Variants in PCDH9 observed in about 807,000 individuals in gnomAD.
PCDH9 encodes the protein protocadherin 9, also known as protocadherin-9.
In PCDH9, 24 loss-of-function variants were observed where a neutral mutation model predicts 70.6. That is an observed-to-expected ratio of 0.34 (90% confidence interval 0.25 to 0.48). The LOEUF (loss-of-function observed/expected upper bound fraction) is 0.48, where lower values mean the gene tolerates loss of function less well. Among genes scored for constraint, PCDH9 ranks in the 20% least tolerant of loss-of-function variants. The pLI, the probability that PCDH9 is intolerant of heterozygous loss-of-function variation, is 0.99. For missense variants in PCDH9, 1,281 were observed against 1,503.6 expected (o/e 0.85, Z 2.45); for synonymous variants, 562 against 558.5 (o/e 1.01, Z -0.09).
intron 3 of PCDH9, among the ~76,000 whole-genome samples, chr13:66,740,070 A>C (rs1410310579): frequency 5.3e-5 from 8 of 150,040 alleles, no homozygotes; most frequent in Admixed American, 5.3e-4. Context: ...CCTATTCCAA[A>C]ATTGACCACA....
intron 3 of PCDH9, among the ~76,000 whole-genome samples, chr13:66,719,641 G>C (rs938209447): frequency 3.9e-5 from 6 of 152,160 alleles, no homozygotes; most frequent in African/African-American, 1.4e-4. Flanking sequence ...GATTGGACCA[G>C]TTTGAACAAC....
At chr13:66,656,468 AG>A (rs1341317799) in intron 3 of PCDH9, among the ~76,000 whole-genome samples, 3 of 151,550 alleles carry the variant, frequency 2.0e-5, no homozygotes, top group African/African-American at 7.3e-5. Context: ...TCTTTCATAA[AG>A]GAAAAAAAAA....
intron 4 of PCDH9, among the ~76,000 whole-genome samples, chr13:66,378,564 C>T (rs925012721): frequency 9.2e-5 from 14 of 152,128 alleles, no homozygotes; most frequent in Non-Finnish European, 1.9e-4. Context: ...GCACTGAAGA[C>T]CTATGATTGT....
chr13:66,323,788 A>C (rs960596054), intron 4 of PCDH9, among the ~76,000 whole-genome samples: 5 of 151,850 alleles, frequency 3.3e-5, no homozygotes. Flanking sequence ...CTTGAAGCGC[A>C]TTCAGGATGT....
chr13:66,339,396 C>A (rs1326326319), intron 4 of PCDH9, among the ~76,000 whole-genome samples: 1 of 151,908 alleles, frequency 6.6e-6, no homozygotes, highest in South Asian at 2.1e-4. Context: ...TGTGGGTGAA[C>A]CTAAAGGAAG....
At chr13:66,687,984 C>G (rs1013726972) in intron 3 of PCDH9, among the ~76,000 whole-genome samples, 7 of 152,038 alleles carry the variant, frequency 4.6e-5, no homozygotes, top group Non-Finnish European at 8.8e-5. Context: ...GAAACTTTCC[C>G]TATGCTTTCC....
At chr13:66,937,944 A>G (rs1341334838) in intron 2 of PCDH9, among the ~76,000 whole-genome samples, 1 of 152,132 alleles carries the variant, frequency 6.6e-6, no homozygotes, top group Non-Finnish European at 1.5e-5. Flanking sequence ...AACTCCTTTA[A>G]GTTTAACTCA....
chr13:66,406,105 T>C (rs1375394859), intron 4 of PCDH9, among the ~76,000 whole-genome samples: 1 of 152,104 alleles, frequency 6.6e-6, no homozygotes, highest in Non-Finnish European at 1.5e-5. Flanking sequence ...TAGTAAAAGG[T>C]ACAATTTGTT....
intron 4 of PCDH9, among the ~76,000 whole-genome samples, chr13:66,594,166 T>C (rs73194753): frequency 0.14 from 20,861 of 151,744 alleles, 1,709 homozygotes; most frequent in Middle Eastern, 0.22. Context: ...AGAAATGTGT[T>C]ATATGAGGGC....
Position 67,227,782 on chromosome 13 carries a change from A to G in PCDH9, c.659T>C (p.Met220Thr), listed in dbSNP as rs774765551. The G allele has an allele frequency of 2.5e-6, 4 of 1,613,882 alleles. No individual in the cohort carries two copies. Among genetic ancestry groups the G allele is most frequent in the Admixed American group, 3.3e-5 (2 of 60,020 alleles). ...GCCTCCATCCTCTACTTTGATTTTCATCACATAGGTATCTTTCTGTTCTCT... is the reference window on the plus strand; with the variant it reads ...GCCTCCATCCTCTACTTTGATTTTCGTCACATAGGTATCTTTCTGTTCTCT... ...LDREQKDTYV[M>T]KIKVEDGGTP... The change falls in exon 2 of 5, where the codon ATG (methionine) becomes ACG (threonine). Residue 220 changes from methionine (M) to threonine (T), a missense_variant. Transcript: ENST00000377865. This position sits in a 1 kb window ranked among gnomAD's most constrained non-coding sequence, Gnocchi z 4.6.
chr13:67,148,777 A>G (rs757561120), intron 2 of PCDH9, among the ~76,000 whole-genome samples: 15 of 152,342 alleles, frequency 9.8e-5, no homozygotes, highest in Admixed American at 3.3e-4. Context: ...ATATTCTTAA[A>G]GGTTTCAGTC....
chr13:66,656,753 G>C (rs1224200579), intron 3 of PCDH9, among the ~76,000 whole-genome samples: 1 of 152,100 alleles, frequency 6.6e-6, no homozygotes, highest in Non-Finnish European at 1.5e-5. Flanking sequence ...GACAAGTAGG[G>C]GGATATTTAC....
intron 3 of PCDH9, among the ~76,000 whole-genome samples, chr13:66,881,471 ACT>A (rs1445503153): frequency 1.3e-5 from 2 of 152,136 alleles, no homozygotes; most frequent in African/African-American, 4.8e-5. Context: ...CACAGGAAAG[ACT>A]CACCCTCATA....
intron 2 of PCDH9, among the ~76,000 whole-genome samples, chr13:67,184,392 G>T (rs969013227): frequency 2.0e-5 from 3 of 151,988 alleles, no homozygotes; most frequent in Non-Finnish European, 4.4e-5. Context: ...TACTAGATCC[G>T]CATTCAGATC....
chr13:66,777,897 G>C (rs1445676282), intron 3 of PCDH9, among the ~76,000 whole-genome samples: 1 of 151,936 alleles, frequency 6.6e-6, no homozygotes, highest in Non-Finnish European at 1.5e-5. Flanking sequence ...GTCCAACAAC[G>C]ATAGACTGGA....
chr13:67,025,499 T>A (rs2084762219), intron 2 of PCDH9, among the ~76,000 whole-genome samples: 1 of 152,114 alleles, frequency 6.6e-6, no homozygotes, highest in Non-Finnish European at 1.5e-5. Context: ...TATGACCAGA[T>A]CATTGGTATC....
intron 3 of PCDH9, among the ~76,000 whole-genome samples, chr13:66,686,986 T>A (rs1201997721): frequency 6.6e-6 from 1 of 152,184 alleles, no homozygotes; most frequent in Non-Finnish European, 1.5e-5. Flanking sequence ...TGGCTTCTAA[T>A]TGTGCCCCCC....
chr13:66,685,090 C>T (rs988496023), intron 3 of PCDH9, among the ~76,000 whole-genome samples: 3 of 151,934 alleles, frequency 2.0e-5, no homozygotes, highest in African/African-American at 7.3e-5. Flanking sequence ...GCCTAAGTAA[C>T]AAGGTGCCAA....
At chr13:67,176,391 C>G (rs751157960) in intron 2 of PCDH9, among the ~76,000 whole-genome samples, 5 of 152,196 alleles carry the variant, frequency 3.3e-5, no homozygotes, top group Middle Eastern at 3.4e-3. Context: ...CATTTTACCC[C>G]ACTCTCTTCA....
Sources: gnomAD v4.1 joint callset for allele counts (sites outside exome capture counted in the v4.1 genomes callset) on GRCh38, gnomAD v4.1.1 for gene constraint, Gnocchi (gnomAD v3.1) non-coding constraint, MANE v1.5 for transcripts, NCBI Gene and HGNC (gene_info 2026-07-23, HGNC 2026-07-21) for gene names.